The following COX10 variants were observed in gnomAD, a reference collection of about 807,000 sequenced individuals.
COX10 encodes the protein protoheme IX farnesyltransferase, mitochondrial.
COX10 carries 27 observed loss-of-function variants against 37.3 expected under a neutral mutation model. The ratio of observed to expected loss-of-function variants is 0.72; its 90% CI spans 0.53 to 1.00. COX10 has a LOEUF of 1.00. COX10 is among the 50% of genes least tolerant of loss of function. The pLI, the probability that COX10 is intolerant of heterozygous loss-of-function variation, is 0.00. For synonymous variants in COX10, 222 were observed against 229.1 expected (o/e 0.97, Z 0.28); for missense variants, 475 against 563.2 (o/e 0.84, Z 1.59).
chr17:14,122,698 G>A (rs1916256951), intron 4 of COX10, among the ~76,000 whole-genome samples: 1 of 152,154 alleles, frequency 6.6e-6, no homozygotes, highest in African/African-American at 2.4e-5. Flanking sequence ...GACTTGGCCT[G>A]TTCATTGCCA....
intron 5 of COX10, among the ~76,000 whole-genome samples, chr17:14,167,878 C>A (rs1266423107): frequency 6.6e-6 from 1 of 152,186 alleles, no homozygotes; most frequent in South Asian, 2.1e-4. Context: ...CAAACCATAT[C>A]ATTCCACCCC....
intron 2 of COX10, among the ~76,000 whole-genome samples, chr17:14,075,708 C>T (rs1221154561): frequency 1.3e-5 from 2 of 152,016 alleles, no homozygotes; most frequent in Admixed American, 6.6e-5. Flanking sequence ...ATCATTCAGC[C>T]GGCCAGGCGC....
chr17:14,070,622 T>C (rs980534833), intron 1 of COX10, among the ~76,000 whole-genome samples: 1 of 152,208 alleles, frequency 6.6e-6, no homozygotes, highest in African/African-American at 2.4e-5. Context: ...AGAGGCCAGA[T>C]AAGAGAAGCC....
chr17:14,151,995 T>C (rs1904914988), intron 4 of COX10, among the ~76,000 whole-genome samples: 1 of 152,188 alleles, frequency 6.6e-6, no homozygotes, highest in Admixed American at 6.5e-5. Flanking sequence ...CCTGTTAACA[T>C]TAAGAATTAT....
intron 5 of COX10, among the ~76,000 whole-genome samples, chr17:14,183,652 A>G (rs1398743908): frequency 6.6e-6 from 1 of 152,300 alleles, no homozygotes; most frequent in African/African-American, 2.4e-5. Context: ...CTTAAAATTG[A>G]AGATAAAAAT....
intron 4 of COX10, among the ~76,000 whole-genome samples, chr17:14,134,127 T>C (rs1360859752): frequency 6.6e-6 from 1 of 151,682 alleles, no homozygotes; most frequent in East Asian, 1.9e-4. Flanking sequence ...TAAGGTAGAC[T>C]CCATGATGCC....
chr17:14,128,049 T>G (rs1916384597), intron 4 of COX10, among the ~76,000 whole-genome samples: 1 of 151,910 alleles, frequency 6.6e-6, no homozygotes, highest in African/African-American at 2.4e-5. Context: ...TAAATCTGAT[T>G]TATCTTTTTT....
At chr17:14,202,012 T>C (rs1906555339) in intron 6 of COX10, among the ~76,000 whole-genome samples, 1 of 152,192 alleles carries the variant, frequency 6.6e-6, no homozygotes, top group African/African-American at 2.4e-5. Context: ...TCCTCTGTCC[T>C]TTTTAATTCC....
chr17:14,079,769 C>T (rs1030402725), intron 3 of COX10, among the ~76,000 whole-genome samples: 7 of 151,808 alleles, frequency 4.6e-5, no homozygotes, highest in African/African-American at 1.7e-4. Context: ...TGTGAAATGT[C>T]GCCTTCTCTA....
At chr17:14,177,077 G>A (rs1905714777) in intron 5 of COX10, 3 of 455,658 alleles carry the variant, frequency 6.6e-6, no homozygotes, top group Non-Finnish European at 1.2e-5. Context: ...AGAATACAGA[G>A]GACAGTACTT....
chr17:14,184,368 C>G (rs1331400964), intron 5 of COX10, among the ~76,000 whole-genome samples: 1 of 152,136 alleles, frequency 6.6e-6, no homozygotes, highest in Non-Finnish European at 1.5e-5. Flanking sequence ...CTTAGTTATG[C>G]TACCATGAGG....
intron 3 of COX10, among the ~76,000 whole-genome samples, chr17:14,101,822 A>G (rs746180556): frequency 3.9e-5 from 6 of 152,206 alleles, no homozygotes; most frequent in Non-Finnish European, 7.3e-5. Context: ...CAAATTTGGT[A>G]TTTAGTAAAT....
chr17:14,077,419 G>A (rs1262766537), intron 3 of COX10: 1 of 276,876 alleles, frequency 3.6e-6, no homozygotes, highest in Non-Finnish European at 6.9e-6. Context: ...TTGCACTACT[G>A]GGCTTGATAT....
At chr17:14,195,691 A>C (rs1425273129) in intron 6 of COX10, among the ~76,000 whole-genome samples, 29 of 152,246 alleles carry the variant, frequency 1.9e-4, no homozygotes, top group Admixed American at 1.9e-3. Context: ...TTCAGAGAAC[A>C]TGATAATTAC....
chr17:14,080,060 A>G (rs930132370), intron 3 of COX10, among the ~76,000 whole-genome samples: 31 of 152,046 alleles, frequency 2.0e-4, no homozygotes, highest in Admixed American at 5.9e-4. Context: ...ACTTTTACGT[A>G]TACGTCTTTG....
chr17:14,096,015 C>T (rs914560267), intron 3 of COX10, among the ~76,000 whole-genome samples: 2 of 152,178 alleles, frequency 1.3e-5, no homozygotes, highest in East Asian at 1.9e-4. Flanking sequence ...AGTCCAAGGT[C>T]CAGGGCCGCC....
intron 5 of COX10, among the ~76,000 whole-genome samples, chr17:14,191,240 C>A (rs934352259): frequency 6.6e-6 from 1 of 151,500 alleles, no homozygotes; most frequent in African/African-American, 2.4e-5. Context: ...TTATAATAAT[C>A]ATTATCATTG....
At chr17:14,088,224 A>G (rs1480598807) in intron 3 of COX10, among the ~76,000 whole-genome samples, 1 of 152,182 alleles carries the variant, frequency 6.6e-6, no homozygotes, top group East Asian at 1.9e-4. Flanking sequence ...TATTTAAATA[A>G]TGAATGTAGT....
At chr17:14,131,322 T>C (rs2142219539) in intron 4 of COX10, among the ~76,000 whole-genome samples, 1 of 152,258 alleles carries the variant, frequency 6.6e-6, no homozygotes, top group South Asian at 2.1e-4. Flanking sequence ...GTTCTATCTG[T>C]ATATATACAT....
Sources: allele counts gnomAD v4.1 joint callset (sites outside exome capture counted in the v4.1 genomes callset), GRCh38; gene constraint gnomAD v4.1.1; transcripts MANE v1.5; gene names NCBI Gene and HGNC (gene_info 2026-07-23, HGNC 2026-07-21).